LRRTM4: variants seen among roughly 807,000 people sequenced by gnomAD.
LRRTM4 encodes the protein leucine-rich repeat transmembrane neuronal protein 4.
LRRTM4 carries 25 observed loss-of-function variants against 47.6 expected under a neutral mutation model. The observed-to-expected ratio is 0.53, with a 90% CI of 0.38 to 0.73. The LOEUF (loss-of-function observed/expected upper bound fraction) is 0.73. LRRTM4 is among the 30% of genes least tolerant of loss of function. The pLI, the probability that LRRTM4 is intolerant of heterozygous loss-of-function variation, is 0.00. For synonymous variants in LRRTM4, 311 were observed against 269.5 expected, an observed-to-expected ratio of 1.15 and a Z score of -1.51; for missense variants, 638 against 713.4, an observed-to-expected ratio of 0.89 and a Z score of 1.20.
chr2:77,176,983 T>A (rs1673215038), intron 3 of LRRTM4, among the ~76,000 whole-genome samples: 1 of 152,104 alleles, frequency 6.6e-6, no homozygotes, highest in Non-Finnish European at 1.5e-5. Flanking sequence ...CCAGAAATTA[T>A]CACATATGGT....
At chr2:76,885,117 T>A (rs1321294104) in intron 3 of LRRTM4, among the ~76,000 whole-genome samples, 1 of 152,040 alleles carries the variant, frequency 6.6e-6, no homozygotes, top group Non-Finnish European at 1.5e-5. Context: ...TATAAGATTA[T>A]GTTCTATTAT....
chr2:77,119,982 AC>A (rs1671484656), intron 3 of LRRTM4, among the ~76,000 whole-genome samples: 1 of 151,670 alleles, frequency 6.6e-6, no homozygotes, highest in African/African-American at 2.4e-5. Context: ...ACACATAAAT[AC>A]CTATGCTTTG....
At chr2:77,256,337 T>C (rs186437755) in intron 3 of LRRTM4, among the ~76,000 whole-genome samples, 2 of 152,194 alleles carry the variant, frequency 1.3e-5, no homozygotes, top group East Asian at 3.9e-4. Context: ...ATACCAAACA[T>C]TTGAAGAAGA....
chr2:77,242,600 A>C (rs1675299727), intron 3 of LRRTM4, among the ~76,000 whole-genome samples: 2 of 152,190 alleles, frequency 1.3e-5, no homozygotes, highest in African/African-American at 4.8e-5. Flanking sequence ...TATAAATCAA[A>C]ACCACAATGA....
chr2:76,811,203 C>T (rs949133897), intron 3 of LRRTM4, among the ~76,000 whole-genome samples: 6 of 152,112 alleles, frequency 3.9e-5, no homozygotes, highest in African/African-American at 1.4e-4. Context: ...TACTAACATG[C>T]TTAAATATAG....
At chr2:77,049,840 G>C (rs568107294) in intron 3 of LRRTM4, among the ~76,000 whole-genome samples, 25 of 151,888 alleles carry the variant, frequency 1.6e-4, no homozygotes, top group Admixed American at 4.6e-4. Flanking sequence ...TGTGCTTTTT[G>C]AGATCTTGTT....
intron 3 of LRRTM4, among the ~76,000 whole-genome samples, chr2:76,883,895 T>A (rs532946089): frequency 1.3e-5 from 2 of 152,240 alleles, no homozygotes; most frequent in East Asian, 3.9e-4. Context: ...ATTAGCTCAC[T>A]GTAGTCTCAA....
At chr2:77,180,045 G>A (rs910910552) in intron 3 of LRRTM4, among the ~76,000 whole-genome samples, 2 of 152,268 alleles carry the variant, frequency 1.3e-5, no homozygotes, top group East Asian at 3.9e-4. Flanking sequence ...CACTTTATTA[G>A]AATTGCTTAT....
At chr2:77,087,608 AACC>A (rs1012592780) in intron 3 of LRRTM4, among the ~76,000 whole-genome samples, 2 of 152,224 alleles carry the variant, frequency 1.3e-5, no homozygotes, top group African/African-American at 4.8e-5. Context: ...CATGACTACA[AACC>A]ACCATCAGTG....
At chr2:77,240,651 A>G (rs1257021430) in intron 3 of LRRTM4, among the ~76,000 whole-genome samples, 1 of 152,020 alleles carries the variant, frequency 6.6e-6, no homozygotes, top group African/African-American at 2.4e-5. Context: ...ATAATTGTCT[A>G]TGTTAAAAAT....
rs144330069 is a variant in LRRTM4 at position 77,295,509 on chromosome 2, A to G, written c.1551+222809T>C. ...TTGGAAAATTGCTATATTTGACTGTATGACATGACCATCATTGCATTAGTT... is the reference window on the plus strand; with the variant it reads ...TTGGAAAATTGCTATATTTGACTGTGTGACATGACCATCATTGCATTAGTT... On this transcript the variant is annotated intron_variant, in intron 3 of 3. Transcript: ENST00000409884. Among the ~76,000 whole-genome samples the G allele has an allele frequency of 2.8e-4, 43 of 152,316 alleles. No homozygotes were observed. In the East Asian group the frequency reaches 5.4e-3, roughly 19 times the overall value.
intron 3 of LRRTM4, among the ~76,000 whole-genome samples, chr2:77,376,557 A>T (rs1672849095): frequency 1.3e-5 from 2 of 151,550 alleles, no homozygotes; most frequent in African/African-American, 2.4e-5. Flanking sequence ...TTGAGAAAAA[A>T]ATGGTCAGTT....
intron 3 of LRRTM4, among the ~76,000 whole-genome samples, chr2:77,502,716 CA>C (rs1308295268): frequency 6.6e-6 from 1 of 151,428 alleles, no homozygotes; most frequent in African/African-American, 2.4e-5. Flanking sequence ...TTAATCAAGT[CA>C]TTATGAAAAA....
At chr2:77,142,959 G>A (rs567047720) in intron 3 of LRRTM4, among the ~76,000 whole-genome samples, 7 of 152,192 alleles carry the variant, frequency 4.6e-5, no homozygotes, top group Admixed American at 2.0e-4. Flanking sequence ...GTTGTGCTTC[G>A]TTAAAGGATT....
intron 3 of LRRTM4, among the ~76,000 whole-genome samples, chr2:77,428,077 T>A (rs1675196357): frequency 6.6e-6 from 1 of 152,182 alleles, no homozygotes; most frequent in South Asian, 2.1e-4. Context: ...ACAAGGGGTT[T>A]TCCCCACTTT....
intron 3 of LRRTM4, among the ~76,000 whole-genome samples, chr2:77,015,946 G>C (rs1336323073): frequency 6.6e-6 from 1 of 151,948 alleles, no homozygotes; most frequent in Non-Finnish European, 1.5e-5. Flanking sequence ...GCGAAACCCT[G>C]TCTCTACTAA....
chr2:76,802,663 C>A (rs1156583094), intron 3 of LRRTM4, among the ~76,000 whole-genome samples: 1 of 151,946 alleles, frequency 6.6e-6, no homozygotes, highest in Non-Finnish European at 1.5e-5. Context: ...ATATCTTGGT[C>A]CAAAAGAACA....
intron 3 of LRRTM4, among the ~76,000 whole-genome samples, chr2:77,440,472 G>A (rs1675798562): frequency 1.3e-5 from 2 of 151,938 alleles, no homozygotes; most frequent in Non-Finnish European, 2.9e-5. Flanking sequence ...CAATCGACAG[G>A]GAACAAAAAC....
chr2:77,251,351 T>C (rs1329541566), intron 3 of LRRTM4, among the ~76,000 whole-genome samples: 6 of 151,584 alleles, frequency 4.0e-5, no homozygotes, highest in African/African-American at 1.2e-4. Flanking sequence ...CTATTGTAGA[T>C]TTTTAAGCTC....
Sources: allele counts gnomAD v4.1 joint callset (sites outside exome capture counted in the v4.1 genomes callset), GRCh38; gene constraint gnomAD v4.1.1; transcripts MANE v1.5; gene names NCBI Gene and HGNC (gene_info 2026-07-23, HGNC 2026-07-21).